The following PTPRD variants were observed in gnomAD, a reference collection of about 807,000 sequenced individuals.
PTPRD encodes protein tyrosine phosphatase receptor type D.
PTPRD carries 34 observed loss-of-function variants against 214.5 expected under a neutral mutation model. The ratio of observed to expected loss-of-function variants is 0.16; its 90% CI spans 0.12 to 0.21. The LOEUF is 0.21. Among genes scored for constraint, PTPRD ranks in the 10% least tolerant of loss-of-function variants. PTPRD has a pLI of 1.00. For synonymous variants in PTPRD, 1,128 were observed against 845.7 expected (o/e 1.33, Z -5.79); for missense variants, 2,545 against 2,398.7 (o/e 1.06, Z -1.27).
At chr9:8,844,062 AGAC>A (rs2097633431) in intron 11 of PTPRD, among the ~76,000 whole-genome samples, 2 of 152,230 alleles carry the variant, frequency 1.3e-5, no homozygotes, top group Admixed American at 6.5e-5. Flanking sequence ...TCTCTCATCC[AGAC>A]GTATGGAAAC....
intron 11 of PTPRD, among the ~76,000 whole-genome samples, chr9:8,852,550 C>T (rs1432099358): frequency 5.3e-5 from 8 of 152,172 alleles, no homozygotes; most frequent in Non-Finnish European, 1.2e-4. Context: ...CAAAGGAAAG[C>T]AAGGTTTGCT....
chr9:9,380,189 T>C (rs1188064025), intron 9 of PTPRD, among the ~76,000 whole-genome samples: 2 of 152,028 alleles, frequency 1.3e-5, no homozygotes, highest in African/African-American at 4.8e-5. Flanking sequence ...TATCCCTAGT[T>C]TTACTGAGAG....
At chr9:10,575,301 A>C (rs1360126607) in intron 2 of PTPRD, among the ~76,000 whole-genome samples, 3 of 152,088 alleles carry the variant, frequency 2.0e-5, no homozygotes, top group Non-Finnish European at 2.9e-5. Flanking sequence ...GAAAGTTGGG[A>C]AAAATACTAA....
chr9:9,244,224 T>C (rs1023076717), intron 9 of PTPRD, among the ~76,000 whole-genome samples: 22 of 152,110 alleles, frequency 1.4e-4, no homozygotes, highest in Admixed American at 9.8e-4. Flanking sequence ...AGGTAATTTA[T>C]AGATTCAATG....
intron 8 of PTPRD, among the ~76,000 whole-genome samples, chr9:9,499,985 C>T (rs2096351439): frequency 6.6e-6 from 1 of 152,144 alleles, no homozygotes; most frequent in Non-Finnish European, 1.5e-5. Flanking sequence ...AAATTAATAA[C>T]AATTCTTGGG....
chr9:9,548,546 C>A (rs2079394116), intron 8 of PTPRD, among the ~76,000 whole-genome samples: 1 of 151,472 alleles, frequency 6.6e-6, no homozygotes. Context: ...CTACAGGCGT[C>A]TGCCACCATG....
At chr9:8,559,602 G>A (rs2085352708) in intron 14 of PTPRD, among the ~76,000 whole-genome samples, 1 of 152,168 alleles carries the variant, frequency 6.6e-6, no homozygotes, top group Non-Finnish European at 1.5e-5. Context: ...AAGCCCAACA[G>A]ATTCACTCCT....
intron 2 of PTPRD, among the ~76,000 whole-genome samples, chr9:10,343,210 G>A (rs368381576): frequency 2.0e-5 from 3 of 151,550 alleles, no homozygotes; most frequent in East Asian, 2.0e-4. Flanking sequence ...TCCCACCTAT[G>A]AGTGAGAACG....
chr9:9,671,033 G>C (rs1234073628), intron 7 of PTPRD, among the ~76,000 whole-genome samples: 1 of 152,112 alleles, frequency 6.6e-6, no homozygotes, highest in African/African-American at 2.4e-5. Flanking sequence ...TCCACCAACA[G>C]CTTGCACCAT....
chr9:8,820,591 T>G (rs961859655), intron 11 of PTPRD, among the ~76,000 whole-genome samples: 1 of 152,198 alleles, frequency 6.6e-6, no homozygotes, highest in African/African-American at 2.4e-5. Context: ...GTTTTTAGTT[T>G]TGAAAGTTCA....
At chr9:10,344,367 T>C (rs935429377) in intron 2 of PTPRD, among the ~76,000 whole-genome samples, 40 of 152,088 alleles carry the variant, frequency 2.6e-4, no homozygotes, top group African/African-American at 9.2e-4. Flanking sequence ...CTGAGGCCTC[T>C]GTTCTGTTCC....
intron 3 of PTPRD, among the ~76,000 whole-genome samples, chr9:10,055,777 T>G (rs957068004): frequency 9.9e-5 from 15 of 151,796 alleles, no homozygotes; most frequent in African/African-American, 1.9e-4. Context: ...AAATTGTGAT[T>G]CAGTTAAGTC....
chr9:8,930,261 T>G (rs1588251766), intron 11 of PTPRD, among the ~76,000 whole-genome samples: 1 of 151,954 alleles, frequency 6.6e-6, no homozygotes, highest in South Asian at 2.1e-4. Flanking sequence ...GGTTTCCAGC[T>G]TCATCCATGT....
intron 9 of PTPRD, among the ~76,000 whole-genome samples, chr9:9,206,198 T>C (rs543633932): frequency 7.2e-5 from 11 of 152,206 alleles, no homozygotes; most frequent in African/African-American, 2.6e-4. Flanking sequence ...GAGTGAGTGA[T>C]AGGGAAGGGA....
chr9:10,300,359 G>A (rs2095823199), intron 3 of PTPRD, among the ~76,000 whole-genome samples: 1 of 152,130 alleles, frequency 6.6e-6, no homozygotes, highest in South Asian at 2.1e-4. Context: ...TGAGCTAGCT[G>A]CAGGAGTTTA....
At chr9:9,601,220 A>C (rs2093742719) in intron 7 of PTPRD, among the ~76,000 whole-genome samples, 1 of 151,194 alleles carries the variant, frequency 6.6e-6, no homozygotes, top group South Asian at 2.1e-4. Flanking sequence ...ACTTGCTATA[A>C]TATTTGAGTT....
intron 7 of PTPRD, among the ~76,000 whole-genome samples, chr9:9,712,556 G>C (rs1310306482): frequency 6.6e-6 from 1 of 152,142 alleles, no homozygotes; most frequent in Non-Finnish European, 1.5e-5. Context: ...TGTCAAGAAA[G>C]TCATTCCAAA....
intron 12 of PTPRD, among the ~76,000 whole-genome samples, chr9:8,646,008 T>C (rs72700307): frequency 6.6e-6 from 1 of 151,124 alleles, no homozygotes; most frequent in Admixed American, 6.6e-5. Flanking sequence ...CCAAAAACAA[T>C]GGCCATGGTT....
intron 3 of PTPRD, among the ~76,000 whole-genome samples, chr9:10,143,351 C>T (rs1047715663): frequency 1.3e-5 from 2 of 151,998 alleles, no homozygotes; most frequent in Non-Finnish European, 2.9e-5. Flanking sequence ...ATCAAAACCA[C>T]AATGAGATAT....
Sources: allele counts gnomAD v4.1 joint callset (sites outside exome capture counted in the v4.1 genomes callset), GRCh38; gene constraint gnomAD v4.1.1; transcripts MANE v1.5; gene names NCBI Gene and HGNC (gene_info 2026-07-23, HGNC 2026-07-21).